Variants in TRIM27 observed in about 807,000 individuals in gnomAD.
TRIM27 encodes the protein tripartite motif containing 27, also known as zinc finger protein RFP.
A neutral mutation model predicts 57.6 loss-of-function variants in TRIM27; 12 were observed. The observed-to-expected ratio is 0.21, with a 90% confidence interval of 0.13 to 0.34. The LOEUF is 0.34. Among genes scored for constraint, TRIM27 ranks in the 10% least tolerant of loss-of-function variants. TRIM27 has a pLI of 1.00. For missense variants in TRIM27, 403 were observed against 656.8 expected (o/e 0.61, Z 4.22); for synonymous variants, 266 against 259.0 (o/e 1.03, Z -0.26).
intron 3 of TRIM27, among the ~76,000 whole-genome samples, chr6:28,918,167 G>T (rs113889467): frequency 0.022 from 3,340 of 152,122 alleles, 65 homozygotes; most frequent in African/African-American, 0.058. Flanking sequence ...CCCTCACCTA[G>T]AAACCTTACA....
intron 3 of TRIM27, among the ~76,000 whole-genome samples, chr6:28,914,588 G>GGGC (rs1562166500): frequency 9.8e-6 from 1 of 101,828 alleles, no homozygotes; most frequent in Admixed American, 1.2e-4. Flanking sequence ...GGGTGGGGGG[G>GGGC]GGGGGATGAG....
chr6:28,923,114 C>A, intron 1 of TRIM27, 99 bp downstream of exon 1: 1 of 1,326,732 alleles, frequency 7.5e-7, no homozygotes, highest in South Asian at 1.5e-5. Context: ...ACCACACGTC[C>A]GGCTCAGCCA....
intron 6 of TRIM27, chr6:28,908,591 T>G (rs963577235): frequency 1.9e-6 from 1 of 513,606 alleles, no homozygotes; most frequent in African/African-American, 1.9e-5. Flanking sequence ...CCTCCATCAA[T>G]GCAGACTGCG....
At chr6:28,907,662 C>A (rs1772867675) in intron 6 of TRIM27, 4 of 505,658 alleles carry the variant, frequency 7.9e-6, no homozygotes, top group East Asian at 4.4e-5. Flanking sequence ...GTGACACTCA[C>A]TGACACTCTG....
At chr6:28,912,330 G>A (rs147597775) in intron 3 of TRIM27, among the ~76,000 whole-genome samples, 3,393 of 152,158 alleles carry the variant, frequency 0.022, 113 homozygotes, top group African/African-American at 0.077. Flanking sequence ...GGATGGTCTT[G>A]AACTCCTGAC....
At chr6:28,911,828 T>C (rs1773230931) in intron 3 of TRIM27, 110 bp from the exon 4 acceptor site, 2 of 1,049,970 alleles carry the variant, frequency 1.9e-6, no homozygotes, top group African/African-American at 3.2e-5. Flanking sequence ...ATGGGAGAAA[T>C]TAGGGAGAAA....
At chr6:28,919,981 T>C (rs1220586808) in intron 3 of TRIM27, 31 bp downstream of exon 3, 1 of 1,589,678 alleles carries the variant, frequency 6.3e-7, no homozygotes, top group South Asian at 1.1e-5. Context: ...TTTCAGTGGG[T>C]GCTGCTCTAG....
rs200524880 is a variant in TRIM27 at position 28,909,067 on chromosome 6, A to G, written c.792T>C (p.Pro264=). The G allele has an allele frequency of 1.2e-5, 20 of 1,610,454 alleles. No homozygotes were observed. Among genetic ancestry groups the G allele is most frequent in the Non-Finnish European group, 1.6e-5 (19 of 1,179,024 alleles). Residue 264 remains proline (P), a synonymous_variant, in exon 5 of 8, where the codon CCT becomes CCC. Coordinates refer to ENST00000377199, the MANE Select transcript of TRIM27 (RefSeq NM_006510.5). ...AATCTGGAGGTGTGATCCAAGGTTC[A>G]GGAATCCTGATTCTTTCAGCCCTAA... ...TLSRAERIRI[P]EPWITPPDLQ...
intron 3 of TRIM27, among the ~76,000 whole-genome samples, chr6:28,913,601 A>G (rs1773378708): frequency 6.6e-6 from 1 of 151,976 alleles, no homozygotes; most frequent in South Asian, 2.1e-4. Flanking sequence ...CACTTCGTCA[A>G]AAGTGTATTA....
intron 6 of TRIM27, chr6:28,908,537 A>G: frequency 2.4e-6 from 1 of 425,470 alleles, no homozygotes; most frequent in Non-Finnish European, 4.0e-6. Context: ...GTAAACAATC[A>G]AATTAATTCT....
Position 28,923,375 on chromosome 6 carries a change from C to T in TRIM27, c.258G>A (p.Pro86=). 6.2e-7 allele frequency: 1 copy of T among 1,612,124 alleles called. No homozygotes were observed. Among genetic ancestry groups the T allele is most frequent in the Non-Finnish European group, 8.5e-7 (1 of 1,179,682 alleles). The change falls in exon 1 of 8, where the codon CCG becomes CCA. Residue 86 remains proline, a synonymous_variant. Coordinates refer to ENST00000377199, the MANE Select transcript of TRIM27 (RefSeq NM_006510.5). The part of the protein sequence containing the change: ...QLVKQLRTER[P]SGPGGEMGVC... The stretch of plus-strand genomic sequence containing the variant: ...CGCCCATCTCGCCGCCGGGCCCCGA[C>T]GGCCGCTCGGTGCGCAGCTGCTTTA...
chr6:28,908,442 A>G lies in TRIM27; in HGVS notation c.919+366T>C, dbSNP rs140667740. 4.9e-4 allele frequency: 105 copies of G among 215,278 alleles called. No homozygotes were observed. In the East Asian group the frequency reaches 0.012, roughly 24 times the overall value. 13.3% of individuals were successfully genotyped at this position (215,278 alleles called of 1,614,324 possible). On this transcript the variant is annotated intron_variant, in intron 6 of 7. Transcript: ENST00000377199. ...GCCCGAGCTGGCACCTGTGCCCACA[A>G]GCAGTAGGAACTCAGTAAATTACAA...
intron 1 of TRIM27, 135 bp downstream of exon 1, chr6:28,923,078 G>A (rs1472789453): frequency 2.8e-6 from 3 of 1,058,410 alleles, no homozygotes; most frequent in African/African-American, 1.6e-5. Context: ...GCTCTGGAGC[G>A]GACAGAGAGG....
At chr6:28,912,392 G>C (rs1303808532) in intron 3 of TRIM27, among the ~76,000 whole-genome samples, 2 of 151,980 alleles carry the variant, frequency 1.3e-5, no homozygotes, top group Non-Finnish European at 2.9e-5. Flanking sequence ...TTACAAGTGT[G>C]AGCCAGCGGT....
rs1247525234 is a variant in TRIM27 at position 28,904,193 on chromosome 6, G to A, written c.1419C>T (p.Tyr473=). ...TCCCTCCCGAGTAACTCAGACTGAAGTAGGGCCGGACAGGCCCACAAAAGG... is the reference window on the plus strand; with the variant it reads ...TCCCTCCCGAGTAACTCAGACTGAAATAGGGCCGGACAGGCCCACAAAAGG... ...HATFCGPVRP[Y]FSLSYSGGKS... is the part of the protein sequence containing the mutation. Residue 473 remains tyrosine (Y), a synonymous_variant, in exon 8 of 8, where the codon TAC becomes TAT. Coordinates refer to ENST00000377199, the MANE Select transcript of TRIM27 (RefSeq NM_006510.5). This position sits in a 1 kb window ranked among gnomAD's most constrained non-coding sequence, Gnocchi z 6.1. 4 of 1,612,978 alleles carry A rather than the reference G, an allele frequency of 2.5e-6. No homozygotes were observed. The highest frequency in any genetic ancestry group is 3.4e-6 in the Non-Finnish European group (4 of 1,180,048).
At position 28,923,691 on chromosome 6, in the gene TRIM27, C is replaced by G; in HGVS notation, c.-59G>C. ...CCCGGCGCCGAGCTCTGCACTGAGC[C>G]CAACTCTCCGGCGCTCTCTCCGGTT... On this transcript the variant is annotated 5_prime_UTR_variant, in exon 1 of 8. Coordinates refer to ENST00000377199, the MANE Select transcript of TRIM27 (RefSeq NM_006510.5). 4.2e-6 allele frequency: 6 copies of G among 1,443,184 alleles called. No homozygotes were observed. The highest frequency in any genetic ancestry group is 5.5e-6 in the Non-Finnish European group (6 of 1,089,164). 89.4% of individuals were successfully genotyped at this position (1,443,184 alleles called of 1,614,324 possible).
chr6:28,906,630 A>C (rs1772788010), intron 7 of TRIM27: 1 of 152,334 alleles, frequency 6.6e-6, no homozygotes, highest in African/African-American at 2.4e-5. Flanking sequence ...AGGACTGCAG[A>C]TCCACTGTAT....
At chr6:28,915,055 T>C (rs1773500683) in intron 3 of TRIM27, 1 of 151,956 alleles carries the variant, frequency 6.6e-6, no homozygotes, top group Non-Finnish European at 1.5e-5. Flanking sequence ...TTTAATGCAG[T>C]GTTAAATAGA....
At chr6:28,921,848 G>C in intron 2 of TRIM27, 44 bp downstream of exon 2, 2 of 1,471,142 alleles carry the variant, frequency 1.4e-6, no homozygotes, top group Non-Finnish European at 1.9e-6. Context: ...CTACAGAAGA[G>C]GAGAGCACCA....
Sources: allele counts gnomAD v4.1 joint callset (sites outside exome capture counted in the v4.1 genomes callset), GRCh38; gene constraint gnomAD v4.1.1; non-coding constraint Gnocchi (gnomAD v3.1); transcripts MANE v1.5; gene names NCBI Gene and HGNC (gene_info 2026-07-23, HGNC 2026-07-21).